The following KDM2B variants were observed in gnomAD, a reference collection of about 807,000 sequenced individuals.
KDM2B encodes the protein lysine-specific demethylase 2B.
KDM2B carries 26 observed loss-of-function variants against 150.0 expected under a neutral mutation model. That is an observed-to-expected ratio of 0.17 (90% CI 0.13 to 0.24). The LOEUF (loss-of-function observed/expected upper bound fraction) is 0.24. KDM2B is among the 10% of genes least tolerant of loss of function. KDM2B has a pLI of 1.00. For missense variants in KDM2B, 1,265 were observed against 1,816.9 expected (o/e 0.70, Z 5.52); for synonymous variants, 734 against 729.5 (o/e 1.01, Z -0.10).
chr12:121,481,328 C>G (rs1882110282), intron 12 of KDM2B, among the ~76,000 whole-genome samples: 1 of 152,140 alleles, frequency 6.6e-6, no homozygotes, highest in African/African-American at 2.4e-5. Context: ...CACCTACTTT[C>G]TTTTTGTGTA....
intron 12 of KDM2B, among the ~76,000 whole-genome samples, chr12:121,487,843 GCGATCTCGGCTCA>G (rs1882938614): frequency 6.7e-6 from 1 of 149,168 alleles, no homozygotes; most frequent in Admixed American, 6.7e-5. Flanking sequence ...GCACGGTGTC[GCGATCTCGGCTCA>G]CTGCAAGCTC....
At chr12:121,445,207 AC>A in intron 14 of KDM2B, 67 bp downstream of exon 14, 1 of 1,557,730 alleles carries the variant, frequency 6.4e-7, no homozygotes, top group Non-Finnish European at 8.7e-7. Flanking sequence ...CCACCATCTC[AC>A]CAGCATCTCC....
At chr12:121,498,170 A>C (rs1884169696) in intron 11 of KDM2B, among the ~76,000 whole-genome samples, 1 of 152,206 alleles carries the variant, frequency 6.6e-6, no homozygotes, top group South Asian at 2.1e-4. Context: ...TGAGCTTTCC[A>C]GAAATACACT....
Position 121,518,997 on chromosome 12 carries a change from G to A in KDM2B, c.1047+1988C>T, listed in dbSNP as rs78598195. 0.034 allele frequency among the ~76,000 whole-genome samples: 5,215 copies of A among 152,244 alleles called. 280 individuals carry two copies. The highest frequency in any genetic ancestry group is 0.1 in the African/African-American group (4,292 of 41,534). Reference sequence around the variant, plus strand: ...GTGGGGGCTGGCCTTCCCCAGGTGGGATGGGGATGGTGGGCCACAGAGAGG... The same window carrying A: ...GTGGGGGCTGGCCTTCCCCAGGTGGAATGGGGATGGTGGGCCACAGAGAGG... On this transcript the variant is annotated intron_variant, in intron 9 of 22. Coordinates refer to ENST00000377071, the MANE Select transcript of KDM2B (RefSeq NM_032590.5). This position sits in a 1 kb window ranked among gnomAD's most constrained non-coding sequence, Gnocchi z 4.4.
chr12:121,529,199 C>T (rs1887418607), intron 8 of KDM2B, among the ~76,000 whole-genome samples: 1 of 152,148 alleles, frequency 6.6e-6, no homozygotes, highest in Non-Finnish European at 1.5e-5. Context: ...AAATGTGATA[C>T]ACCACGTAAA....
chr12:121,434,053 G>C (rs1398149069), intron 22 of KDM2B, among the ~76,000 whole-genome samples: 2 of 151,968 alleles, frequency 1.3e-5, no homozygotes, highest in African/African-American at 4.8e-5. Context: ...CAAACATGGT[G>C]CCTCTAGTCC....
chr12:121,473,872 C>T (rs1881047974), intron 12 of KDM2B, among the ~76,000 whole-genome samples: 1 of 152,160 alleles, frequency 6.6e-6, no homozygotes, highest in Non-Finnish European at 1.5e-5. Flanking sequence ...CACGGTCTAT[C>T]CCTACGATGG....
Position 121,467,404 on chromosome 12 carries a change from G to C in KDM2B, c.1735-14060C>G. 1.1e-6 allele frequency: 1 copy of C among 941,682 alleles called. No homozygotes were observed. The highest frequency in any genetic ancestry group is 1.3e-6 in the Non-Finnish European group (1 of 792,578). The allele number at this position is 941,682 out of a possible 1,614,324, so 58.3% of individuals were successfully genotyped here. ...GGAGGGGGCGGGGAGGGGCCGGCGG[G>C]GGAGGGCCGGGGCGCCATGCATATG... On this transcript the variant is annotated intron_variant, in intron 12 of 22. Transcript: ENST00000377071. The surrounding 1 kb of genome is among the most constrained non-coding windows in gnomAD (Gnocchi z 5.1).
At chr12:121,574,187 C>T (rs1396738590) in intron 4 of KDM2B, among the ~76,000 whole-genome samples, 2 of 152,106 alleles carry the variant, frequency 1.3e-5, no homozygotes, top group Admixed American at 6.6e-5. Context: ...AACAGCCCCT[C>T]GCCTCGAAAG....
rs1020155742 is a variant in KDM2B, at chr12:121,453,546, G to C, written c.1735-202C>G. ...GTTAAACGAGGTAATTCAGGTGAAC[G>C]CTAATCCAGTATGACTGGTGTCCTT... On this transcript the variant is annotated intron_variant, in intron 12 of 22. Coordinates refer to ENST00000377071, the MANE Select transcript of KDM2B (RefSeq NM_032590.5). This position sits in a 1 kb window ranked among gnomAD's most constrained non-coding sequence, Gnocchi z 6.4. 6.6e-6 allele frequency among the ~76,000 whole-genome samples: 1 copy of C among 152,220 alleles called. No homozygotes were observed. Among genetic ancestry groups the C allele is most frequent in the African/African-American group, 2.4e-5 (1 of 41,452 alleles).
intron 12 of KDM2B, among the ~76,000 whole-genome samples, chr12:121,456,193 G>A (rs1264201036): frequency 6.6e-6 from 1 of 152,238 alleles, no homozygotes; most frequent in Non-Finnish European, 1.5e-5. Flanking sequence ...CACAGCAAAT[G>A]CATGTGCGAA....
chr12:121,523,886 G>T (rs1248850850), intron 8 of KDM2B, among the ~76,000 whole-genome samples: 1 of 152,140 alleles, frequency 6.6e-6, no homozygotes, highest in African/African-American at 2.4e-5. Flanking sequence ...CCCATCCCAC[G>T]ACCTTCACCC....
chr12:121,442,426 G>A lies in KDM2B; in HGVS notation c.3015C>T (p.Pro1005=), dbSNP rs781801252. The change falls in exon 19 of 23, where the codon CCC becomes CCT. Residue 1005 remains proline, a synonymous_variant. Coordinates refer to ENST00000377071, the MANE Select transcript of KDM2B (RefSeq NM_032590.5). This position sits in a 1 kb window ranked among gnomAD's most constrained non-coding sequence, Gnocchi z 7.7. Reference sequence around the variant, plus strand: ...GCCCCAGCTGGTGCCGCAGCTCCCGGGGGGTGCCGTTGAGCCCCTTGCTGA... The same window carrying A: ...GCCCCAGCTGGTGCCGCAGCTCCCGAGGGGTGCCGTTGAGCCCCTTGCTGA... ...HRFSKGLNGT[P]RELRHQLGPS... is the part of the protein sequence containing the mutation. 14 of 1,599,348 alleles carry A rather than the reference G, an allele frequency of 8.8e-6. No homozygotes were observed. The East Asian group carries it at 2.7e-4, about 31-fold the overall frequency.
chr12:121,479,333 G>A (rs1293539086), intron 12 of KDM2B, among the ~76,000 whole-genome samples: 3 of 151,094 alleles, frequency 2.0e-5, no homozygotes, highest in Non-Finnish European at 4.4e-5. Context: ...CAGGCATGGT[G>A]GCGGGTGCCT....
At chr12:121,484,189 A>G (rs1342166785) in intron 12 of KDM2B, among the ~76,000 whole-genome samples, 1 of 152,142 alleles carries the variant, frequency 6.6e-6, no homozygotes, top group Non-Finnish European at 1.5e-5. Context: ...GAGGCAAAGA[A>G]GCCCCTTGCA....
chr12:121,489,248 T>C (rs1883101738), intron 12 of KDM2B, among the ~76,000 whole-genome samples: 1 of 149,216 alleles, frequency 6.7e-6, no homozygotes, highest in Non-Finnish European at 1.5e-5. Flanking sequence ...CCCGGCCGGG[T>C]TTTATTTATT....
chr12:121,551,669 C>G (rs551606761), intron 4 of KDM2B, among the ~76,000 whole-genome samples: 9 of 152,314 alleles, frequency 5.9e-5, no homozygotes, highest in African/African-American at 2.2e-4. Flanking sequence ...TCTCCTGCCT[C>G]AGCCTCCCGA....
chr12:121,532,984 G>A, intron 7 of KDM2B, 25 bp from the exon 8 acceptor site: 2 of 1,613,472 alleles, frequency 1.2e-6, no homozygotes, highest in Non-Finnish European at 1.7e-6. Context: ...CAGGCAGTCA[G>A]CTGGAGACCC....
intron 22 of KDM2B, 49 bp downstream of exon 22, chr12:121,439,808 G>T: frequency 1.4e-6 from 2 of 1,386,470 alleles, no homozygotes; most frequent in Non-Finnish European, 2.0e-6. Context: ...TGAACCTCCT[G>T]GTTCTCCCAC....
Sources: gnomAD v4.1 joint callset for allele counts (sites outside exome capture counted in the v4.1 genomes callset) on GRCh38, gnomAD v4.1.1 for gene constraint, Gnocchi (gnomAD v3.1) non-coding constraint, MANE v1.5 for transcripts, NCBI Gene and HGNC (gene_info 2026-07-23, HGNC 2026-07-21) for gene names.